COL25A1: variants seen among roughly 807,000 people sequenced by gnomAD.
COL25A1 encodes the protein collagen type XXV alpha 1 chain, also known as collagen alpha-1(XXV) chain.
Under a neutral mutation model 128.4 loss-of-function variants are expected in COL25A1, and 103 were observed. That is an observed-to-expected ratio of 0.80 (90% CI 0.68 to 0.94). The LOEUF (loss-of-function observed/expected upper bound fraction) is 0.94, where lower values mean the gene tolerates loss of function less well. COL25A1 is among the 40% of genes least tolerant of loss of function. The pLI, the probability that COL25A1 is intolerant of heterozygous loss-of-function variation, is 0.00. For missense variants in COL25A1, 745 were observed against 840.0 expected (o/e 0.89, Z 1.40); for synonymous variants, 279 against 277.2 (o/e 1.01, Z -0.06).
At chr4:109,008,197 C>T (rs1160569752) in intron 6 of COL25A1, among the ~76,000 whole-genome samples, 2 of 152,142 alleles carry the variant, frequency 1.3e-5, no homozygotes, top group African/African-American at 4.8e-5. Context: ...CACAGCAGGC[C>T]AGGAGTGCTG....
At chr4:108,878,961 T>A (rs1739776164) in intron 19 of COL25A1, among the ~76,000 whole-genome samples, 1 of 152,226 alleles carries the variant, frequency 6.6e-6, no homozygotes, top group Admixed American at 6.5e-5. Context: ...TTTTTCTCTT[T>A]TAGGAATTCA....
At chr4:108,825,161 A>C (rs1208151257) in intron 34 of COL25A1, 35 bp downstream of exon 34, 1 of 1,554,240 alleles carries the variant, frequency 6.4e-7, no homozygotes. Context: ...AACATCTATT[A>C]TAATAGGATG....
intron 13 of COL25A1, among the ~76,000 whole-genome samples, chr4:108,916,788 G>C (rs1368658644): frequency 6.6e-6 from 1 of 152,136 alleles, no homozygotes; most frequent in Non-Finnish European, 1.5e-5. Flanking sequence ...GAAGCAAATG[G>C]ATATGCATTT....
At chr4:109,218,441 T>C (rs543938229) in intron 3 of COL25A1, among the ~76,000 whole-genome samples, 77 of 144,164 alleles carry the variant, frequency 5.3e-4, no homozygotes, top group African/African-American at 1.9e-3. Flanking sequence ...CATGAAAGTT[T>C]TAAACTCTAT....
intron 3 of COL25A1, among the ~76,000 whole-genome samples, chr4:109,060,185 G>T (rs1761832231): frequency 6.6e-6 from 1 of 152,196 alleles, no homozygotes; most frequent in African/African-American, 2.4e-5. Flanking sequence ...TTACCTGTGA[G>T]GTACTGAGCA....
At chr4:109,286,701 G>A (rs141506644) in intron 3 of COL25A1, among the ~76,000 whole-genome samples, 23 of 152,198 alleles carry the variant, frequency 1.5e-4, no homozygotes, top group African/African-American at 5.3e-4. Context: ...ATCCTATGAC[G>A]CACAGACCAG....
chr4:108,912,874 G>C (rs1462594770), intron 13 of COL25A1, among the ~76,000 whole-genome samples: 1 of 152,140 alleles, frequency 6.6e-6, no homozygotes, highest in East Asian at 1.9e-4. Flanking sequence ...ATGTATAAGA[G>C]ATAAAAAGGA....
intron 5 of COL25A1, among the ~76,000 whole-genome samples, chr4:109,028,044 T>C (rs1486426835): frequency 6.6e-6 from 1 of 152,062 alleles, no homozygotes; most frequent in Non-Finnish European, 1.5e-5. Flanking sequence ...TTATATGAGA[T>C]CATCTAATGA....
intron 3 of COL25A1, among the ~76,000 whole-genome samples, chr4:109,241,279 T>A (rs1051318894): frequency 6.6e-6 from 1 of 152,006 alleles, no homozygotes; most frequent in Non-Finnish European, 1.5e-5. Flanking sequence ...GTCAAATAAT[T>A]TTTCCTCTAT....
In COL25A1 at chr4:109,255,402, A is replaced by G. The variant is rs932201752; in HGVS notation, c.367+45181T>C. Among the ~76,000 whole-genome samples, 4 of 152,216 alleles carry G rather than the reference A, an allele frequency of 2.6e-5. No individual in the cohort carries two copies. The South Asian group carries it at 6.2e-4, about 24-fold the overall frequency. On this transcript the variant is annotated intron_variant, in intron 3 of 37. Coordinates refer to ENST00000399132, the MANE Select transcript of COL25A1 (RefSeq NM_198721.4). ...GTTGAAAATTTGGTGCAAAGCTCAC[A>G]GGCCTTGTGGTTTGGGTGTTATCCA...
chr4:108,909,169 G>A (rs1743909938), intron 13 of COL25A1, among the ~76,000 whole-genome samples: 1 of 152,188 alleles, frequency 6.6e-6, no homozygotes, highest in Non-Finnish European at 1.5e-5. Flanking sequence ...TCCAAGACTA[G>A]TTCAACCTAC....
intron 3 of COL25A1, among the ~76,000 whole-genome samples, chr4:109,220,464 T>C (rs1778331818): frequency 6.6e-6 from 1 of 152,162 alleles, no homozygotes; most frequent in Admixed American, 6.5e-5. Flanking sequence ...AGACACACTG[T>C]GGTTCCCCCA....
At chr4:108,903,055 G>GT (rs201060558) in intron 13 of COL25A1, among the ~76,000 whole-genome samples, 4 of 151,436 alleles carry the variant, frequency 2.6e-5, no homozygotes, top group African/African-American at 9.7e-5. Context: ...GGTAGCCAGA[G>GT]TTTTTTAAAA....
intron 13 of COL25A1, among the ~76,000 whole-genome samples, chr4:108,908,402 G>A (rs1458863349): frequency 6.6e-6 from 1 of 152,094 alleles, no homozygotes; most frequent in East Asian, 1.9e-4. Flanking sequence ...TTCTCTCTGT[G>A]TGTAGCAGTT....
chr4:109,272,049 G>A (rs533481532), intron 3 of COL25A1, among the ~76,000 whole-genome samples: 15 of 151,788 alleles, frequency 9.9e-5, no homozygotes, highest in Admixed American at 6.6e-5. Flanking sequence ...GACCAGCCTG[G>A]GCAACATGAA....
intron 3 of COL25A1, among the ~76,000 whole-genome samples, chr4:109,218,462 G>C (rs959154821): frequency 1.4e-5 from 2 of 144,586 alleles, no homozygotes; most frequent in Non-Finnish European, 3.0e-5. Context: ...CCAAACCCAG[G>C]ACAATCCAGC....
rs1731344916 is a variant in COL25A1, at chr4:108,817,415, C to T, written c.1944G>A (p.Met648Ile). The change falls in exon 37 of 38, where the codon ATG (methionine) becomes ATA (isoleucine). Residue 648 changes from methionine (M) to isoleucine (I), a missense_variant. This residue lies in a region of COL25A1 where 387 missense variants were observed against 441.9 expected (regional missense o/e 0.88). Transcript: ENST00000399132. ...PCQLGPDGLPMPGCWQK is the reference protein window; with the variant it reads ...PCQLGPDGLPIPGCWQK ...AGCCTACCTTTTGCCAACAGCCAGG[C>T]ATGGGTAAGCCATCTGGCCCCTGTT... The T allele has an allele frequency of 6.2e-7, 1 of 1,613,264 alleles. No individual in the cohort carries two copies. The highest frequency in any genetic ancestry group is 1.7e-5 in the Admixed American group (1 of 59,976).
At chr4:108,874,408 T>C (rs1401708262) in intron 19 of COL25A1, among the ~76,000 whole-genome samples, 3 of 152,170 alleles carry the variant, frequency 2.0e-5, no homozygotes, top group Non-Finnish European at 4.4e-5. Context: ...ACTGGAACTA[T>C]AATGGAGTTA....
At chr4:109,122,282 A>G (rs866951907) in intron 3 of COL25A1, among the ~76,000 whole-genome samples, 49 of 152,036 alleles carry the variant, frequency 3.2e-4, no homozygotes, top group African/African-American at 1.1e-3. Flanking sequence ...ACTCCGGGTG[A>G]TAATGATGTG....
Sources: gnomAD v4.1 joint callset for allele counts (sites outside exome capture counted in the v4.1 genomes callset) on GRCh38, gnomAD v4.1.1 for gene constraint, gnomAD v4.1.1 regional missense constraint, MANE v1.5 for transcripts, NCBI Gene and HGNC (gene_info 2026-07-23, HGNC 2026-07-21) for gene names.